The following DOCK2 variants were observed in gnomAD, a reference collection of about 807,000 sequenced individuals.
The protein encoded by DOCK2 is dedicator of cytokinesis 2.
DOCK2 carries 87 observed loss-of-function variants against 248.9 expected under a neutral mutation model. That is an observed-to-expected ratio of 0.35 (90% CI 0.29 to 0.42). The LOEUF is 0.42. DOCK2 is among the 10% of genes least tolerant of loss of function. The pLI, the probability that DOCK2 is intolerant of heterozygous loss-of-function variation, is 1.00. For synonymous variants in DOCK2, 805 were observed against 821.6 expected, an observed-to-expected ratio of 0.98 and a Z score of 0.35; for missense variants, 1,747 against 2,300.2, an observed-to-expected ratio of 0.76 and a Z score of 4.92.
intron 27 of DOCK2, among the ~76,000 whole-genome samples, chr5:169,900,986 G>A (rs1355738812): frequency 6.6e-6 from 1 of 152,178 alleles, no homozygotes; most frequent in East Asian, 1.9e-4. Flanking sequence ...TTAGTTACGG[G>A]TAGGAAAGGC....
At chr5:169,826,566 G>A (rs558688338) in intron 26 of DOCK2, among the ~76,000 whole-genome samples, 6 of 152,246 alleles carry the variant, frequency 3.9e-5, no homozygotes, top group African/African-American at 1.4e-4. Context: ...ATGATTGTGG[G>A]AAGATCATAA....
chr5:169,948,467 ATC>A (rs888843805), intron 27 of DOCK2, among the ~76,000 whole-genome samples: 9 of 150,956 alleles, frequency 6.0e-5, no homozygotes, highest in East Asian at 1.9e-4. Context: ...CATCCCCTAC[ATC>A]TCTCTCTCTC....
chr5:169,991,714 A>G (rs1251009963), intron 29 of DOCK2, among the ~76,000 whole-genome samples: 2 of 152,244 alleles, frequency 1.3e-5, no homozygotes, highest in Non-Finnish European at 2.9e-5. Context: ...TAGTGGAAGC[A>G]TGCCAGTGCC....
At chr5:169,799,788 A>T (rs927678014) in intron 25 of DOCK2, among the ~76,000 whole-genome samples, 3 of 151,776 alleles carry the variant, frequency 2.0e-5, no homozygotes, top group African/African-American at 7.2e-5. Flanking sequence ...TGTACTCTCA[A>T]AAGTCCTTAG....
In DOCK2 at chr5:169,944,599, T is replaced by C. The variant is rs376790373; in HGVS notation, c.2800-38469T>C. 1.8e-3 allele frequency among the ~76,000 whole-genome samples: 279 copies of C among 152,344 alleles called. 6 individuals are homozygous for C. The South Asian group carries it at 0.048, about 26-fold the overall frequency. Reference sequence around the variant, plus strand: ...GAGTGACCTTGGGAGAGCATTTTAATACCTCTGTGCCTTGGTTTCCTCATC... The same window carrying C: ...GAGTGACCTTGGGAGAGCATTTTAACACCTCTGTGCCTTGGTTTCCTCATC... On this transcript the variant is annotated intron_variant, in intron 27 of 51. Transcript: ENST00000520908.
chr5:169,678,618 C>T (rs1365403470), intron 6 of DOCK2, among the ~76,000 whole-genome samples: 1 of 152,146 alleles, frequency 6.6e-6, no homozygotes, highest in African/African-American at 2.4e-5. Flanking sequence ...ACACTTTCTA[C>T]TATTTGGCCA....
At chr5:169,843,602 T>G (rs1770122091) in intron 27 of DOCK2, among the ~76,000 whole-genome samples, 1 of 152,226 alleles carries the variant, frequency 6.6e-6, no homozygotes, top group African/African-American at 2.4e-5. Context: ...CCATTGAAAG[T>G]GTTCAGTTTG....
intron 23 of DOCK2, among the ~76,000 whole-genome samples, chr5:169,756,149 T>C (rs1045857998): frequency 4.6e-5 from 7 of 152,222 alleles, no homozygotes; most frequent in East Asian, 1.9e-4. Flanking sequence ...TTTGACTGTA[T>C]GGCCTACCTG....
rs543908871 is a variant in DOCK2 at position 169,941,040 on chromosome 5, G to A, written c.2800-42028G>A. ...GACAGAAAGCCTGCCCTCATGAAGT[G>A]TGCTTCAGTGGGGTAGGCAGATATT... On this transcript the variant is annotated intron_variant, in intron 27 of 51. Coordinates refer to ENST00000520908, the MANE Select transcript of DOCK2 (RefSeq NM_004946.3). 2.0e-5 allele frequency among the ~76,000 whole-genome samples: 3 copies of A among 152,290 alleles called. No homozygotes were observed. The South Asian group carries it at 6.2e-4, about 32-fold the overall frequency.
chr5:169,928,335 T>A (rs937643988), intron 27 of DOCK2, among the ~76,000 whole-genome samples: 1 of 152,234 alleles, frequency 6.6e-6, no homozygotes, highest in African/African-American at 2.4e-5. Context: ...GTGGCAGTGC[T>A]GCCTTACCAG....
In DOCK2 at chr5:169,663,110, A is replaced by C. The variant is rs562418928; in HGVS notation, c.128-6178A>C. On this transcript the variant is annotated intron_variant, in intron 2 of 51. Coordinates refer to ENST00000520908, the MANE Select transcript of DOCK2 (RefSeq NM_004946.3). ...CTGAAAAGGAGAAATTAGCCAAAAC[A>C]AAGGGGCTACAGGCCTCATGCAAGT... 3.9e-5 allele frequency among the ~76,000 whole-genome samples: 6 copies of C among 152,360 alleles called. No homozygotes were observed. The East Asian group carries it at 9.7e-4, about 25-fold the overall frequency.
At chr5:169,715,726 C>T (rs768482263) in intron 19 of DOCK2, among the ~76,000 whole-genome samples, 1 of 151,890 alleles carries the variant, frequency 6.6e-6, no homozygotes, top group African/African-American at 2.4e-5. Context: ...ACTCACCACC[C>T]AGAAGAGGAT....
intron 26 of DOCK2, among the ~76,000 whole-genome samples, chr5:169,808,603 G>A (rs1767552858): frequency 6.6e-6 from 1 of 152,036 alleles, no homozygotes; most frequent in South Asian, 2.1e-4. Context: ...CCCTCACTGA[G>A]CAAGTTTAGT....
chr5:169,955,401 G>T (rs756248085), intron 27 of DOCK2, among the ~76,000 whole-genome samples: 15 of 152,130 alleles, frequency 9.9e-5, no homozygotes, highest in Admixed American at 7.2e-4. Context: ...GAGAGAGAGA[G>T]AGAGACTGGG....
intron 22 of DOCK2, among the ~76,000 whole-genome samples, chr5:169,722,075 C>T (rs1274127642): frequency 6.6e-6 from 1 of 152,192 alleles, no homozygotes; most frequent in East Asian, 1.9e-4. Flanking sequence ...TAAATATGTC[C>T]AATATCCACT....
intron 27 of DOCK2, among the ~76,000 whole-genome samples, chr5:169,907,898 C>T (rs537347169): frequency 1.2e-4 from 18 of 152,306 alleles, no homozygotes; most frequent in African/African-American, 4.1e-4. Context: ...ACACAGGAAC[C>T]GTTGGCCAGT....
chr5:169,889,067 C>A (rs1157231912), intron 27 of DOCK2, among the ~76,000 whole-genome samples: 1 of 152,182 alleles, frequency 6.6e-6, no homozygotes, highest in Non-Finnish European at 1.5e-5. Flanking sequence ...ATGGTCTACT[C>A]TGAGTCCTTA....
intron 38 of DOCK2, among the ~76,000 whole-genome samples, chr5:170,043,245 C>T (rs1490272694): frequency 6.6e-6 from 1 of 152,206 alleles, no homozygotes; most frequent in African/African-American, 2.4e-5. Flanking sequence ...ACCTAAGAGA[C>T]TCCAATTCCC....
chr5:169,890,454 A>T (rs1295681269), intron 27 of DOCK2, among the ~76,000 whole-genome samples: 2 of 152,316 alleles, frequency 1.3e-5, no homozygotes, highest in African/African-American at 4.8e-5. Context: ...TCAAAGGGTT[A>T]ATGCTTGTGG....
Sources: gnomAD v4.1 joint callset for allele counts (sites outside exome capture counted in the v4.1 genomes callset) on GRCh38, gnomAD v4.1.1 for gene constraint, MANE v1.5 for transcripts, NCBI Gene and HGNC (gene_info 2026-07-23, HGNC 2026-07-21) for gene names.